Variants in ZNF69 observed in about 807,000 individuals in gnomAD.
ZNF69 encodes zinc finger protein 69, also known as ZNF3.
ZNF69 carries 47 observed loss-of-function variants against 50.9 expected under a neutral mutation model. The observed-to-expected ratio is 0.92, with a 90% confidence interval of 0.73 to 1.18. The LOEUF is 1.18. Among genes scored for constraint, ZNF69 ranks in the 50% most tolerant of loss-of-function variants. The probability of loss-of-function intolerance (pLI) is 0.00; values close to 1 mark genes in which losing one functional copy is unlikely to be tolerated. For synonymous variants in ZNF69, 216 were observed against 223.1 expected (o/e 0.97, Z 0.29); for missense variants, 717 against 675.1 (o/e 1.06, Z -0.69).
chr19:11,947,343 G>A, the ZNF69 span: 3 of 1,612,256 alleles, frequency 1.9e-6, no homozygotes, highest in Non-Finnish European at 2.5e-6. Flanking sequence ...CAGTGCATTA[G>A]CAAACCAGTG....
intron 3 of ZNF69, 128 bp from the exon 4 acceptor site, chr19:11,904,521 A>G: frequency 7.4e-7 from 1 of 1,345,552 alleles, no homozygotes; most frequent in Non-Finnish European, 1.0e-6. Flanking sequence ...TCACCTTCAA[A>G]CAATTCAGAC....
the ZNF69 span, among the ~76,000 whole-genome samples, chr19:11,932,880 G>A: frequency 6.8e-6 from 1 of 147,894 alleles, no homozygotes; most frequent in Non-Finnish European, 1.5e-5. Context: ...CTCGTGATCC[G>A]CCTGCCTCAG....
Position 11,887,836 on chromosome 19 carries a change from C to A in ZNF69, c.-88C>A, listed in dbSNP as rs916704143. 1 of 1,234,808 alleles carries A rather than the reference C, an allele frequency of 8.1e-7. No individual in the cohort carries two copies. 76.5% of individuals were successfully genotyped at this position (1,234,808 alleles called of 1,614,324 possible). ...ATTCCTTACCTCACCTTTGTCCCTG[C>A]GCGGGCTGCGGCTGGGATCCGGTCT... is the stretch of plus-strand genomic sequence containing the variant. On this transcript the variant is annotated 5_prime_UTR_variant, in exon 1 of 4. Coordinates refer to ENST00000429654, the MANE Select transcript of ZNF69 (RefSeq NM_001364730.1).
At chr19:11,942,230 C>T in the ZNF69 span, among the ~76,000 whole-genome samples, 1 of 150,884 alleles carries the variant, frequency 6.6e-6, no homozygotes, top group Non-Finnish European at 1.5e-5. Flanking sequence ...TGTGGGCTTT[C>T]CCCTGGACTT....
At chr19:11,955,790 G>T in the ZNF69 span, among the ~76,000 whole-genome samples, 2 of 152,140 alleles carry the variant, frequency 1.3e-5, no homozygotes, top group Non-Finnish European at 2.9e-5. Flanking sequence ...TTGTAACGGT[G>T]GATAACTCTT....
At chr19:11,941,624 T>A in the ZNF69 span, among the ~76,000 whole-genome samples, 2 of 152,040 alleles carry the variant, frequency 1.3e-5, no homozygotes, top group African/African-American at 4.8e-5. Flanking sequence ...CACCCAGAAC[T>A]CCAGCTGGCC....
chr19:11,920,104 CTTT>C, the ZNF69 span, among the ~76,000 whole-genome samples: 3 of 137,214 alleles, frequency 2.2e-5, no homozygotes, highest in Admixed American at 7.4e-5. Context: ...GGAACTTTTA[CTTT>C]TTTTTTTTTT....
At chr19:11,968,338 A>C in the ZNF69 span, among the ~76,000 whole-genome samples, 150 of 151,750 alleles carry the variant, frequency 9.9e-4, no homozygotes, top group Middle Eastern at 3.4e-3. Context: ...TGCAGCCTTG[A>C]CCTCCCCAGC....
chr19:11,894,514 C>T (rs899857484), intron 1 of ZNF69, among the ~76,000 whole-genome samples: 1 of 152,180 alleles, frequency 6.6e-6, no homozygotes, highest in Non-Finnish European at 1.5e-5. Flanking sequence ...ATTGTGTCTT[C>T]AGCACACTCT....
chr19:11,924,648 C>T, the ZNF69 span, among the ~76,000 whole-genome samples: 16 of 152,148 alleles, frequency 1.1e-4, no homozygotes, highest in Admixed American at 5.2e-4. Flanking sequence ...GGTGTGTGAG[C>T]AAGGCTTGGC....
At chr19:11,948,880 G>A in the ZNF69 span, 1 of 1,603,550 alleles carries the variant, frequency 6.2e-7, no homozygotes, top group Non-Finnish European at 8.5e-7. Flanking sequence ...ATGTGATAAA[G>A]CATTTCATAG....
chr19:11,970,429 TA>T, the ZNF69 span, among the ~76,000 whole-genome samples: 4 of 152,196 alleles, frequency 2.6e-5, no homozygotes. Context: ...ATAACAACGT[TA>T]AATCCATAAA....
chr19:11,973,999 G>A, the ZNF69 span, among the ~76,000 whole-genome samples: 10 of 152,060 alleles, frequency 6.6e-5, no homozygotes, highest in South Asian at 2.1e-3. Context: ...CAGTGTTTGG[G>A]ATTTAGGCTA....
chr19:11,930,994 C>T, the ZNF69 span, among the ~76,000 whole-genome samples: 40 of 143,158 alleles, frequency 2.8e-4, 7 homozygotes, highest in African/African-American at 1.0e-3. Flanking sequence ...AACAAAATTC[C>T]GTCTCAAAAA....
At chr19:11,923,526 C>A in the ZNF69 span, among the ~76,000 whole-genome samples, 1 of 152,144 alleles carries the variant, frequency 6.6e-6, no homozygotes, top group African/African-American at 2.4e-5. Flanking sequence ...GTTCCCAGGG[C>A]AGCTCCCTCC....
the ZNF69 span, chr19:11,977,136 G>C: frequency 1.2e-6 from 2 of 1,614,064 alleles, no homozygotes; most frequent in Non-Finnish European, 1.7e-6. Flanking sequence ...AAGTGATGCT[G>C]GAAACTTTCA....
the ZNF69 span, among the ~76,000 whole-genome samples, chr19:11,974,069 T>TTTTCTTTCTTAC: frequency 4.4e-5 from 5 of 114,776 alleles, no homozygotes; most frequent in African/African-American, 1.6e-4. Context: ...TCCTTCTTTC[T>TTTTCTTTCTTAC]TTTCTTTCTT....
chr19:11,931,102 A>G, the ZNF69 span, among the ~76,000 whole-genome samples: 1 of 148,202 alleles, frequency 6.7e-6, no homozygotes, highest in Non-Finnish European at 1.5e-5. Flanking sequence ...CTTAATTAGT[A>G]TAGAGTACAA....
chr19:11,960,542 C>T, the ZNF69 span, among the ~76,000 whole-genome samples: 2 of 152,082 alleles, frequency 1.3e-5, no homozygotes, highest in Non-Finnish European at 1.5e-5. Flanking sequence ...AATCCTCCTG[C>T]CTTCGCCTCC....
Sources: gnomAD v4.1 joint callset for allele counts (sites outside exome capture counted in the v4.1 genomes callset) on GRCh38, gnomAD v4.1.1 for gene constraint, MANE v1.5 for transcripts, NCBI Gene and HGNC (gene_info 2026-07-23, HGNC 2026-07-21) for gene names.